The following MARK3 variants were observed in gnomAD, a reference collection of about 807,000 sequenced individuals.
MARK3 encodes microtubule affinity regulating kinase 3, also known as MAP/microtubule affinity-regulating kinase 3.
Under a neutral mutation model 90.1 loss-of-function variants are expected in MARK3, and 46 were observed. That is an observed-to-expected ratio of 0.51 (90% CI 0.40 to 0.65). MARK3 has a LOEUF of 0.65. Ranked by LOEUF, MARK3 falls within the 30% of genes least tolerant of loss-of-function variation. The pLI is 0.00. For missense variants in MARK3, 818 were observed against 947.2 expected (o/e 0.86, Z 1.79); for synonymous variants, 321 against 332.6 (o/e 0.97, Z 0.38).
chr14:103,458,150 C>T (rs528696320), intron 6 of MARK3, among the ~76,000 whole-genome samples: 1 of 152,308 alleles, frequency 6.6e-6, no homozygotes, highest in Admixed American at 6.5e-5. Flanking sequence ...ATTTAACTCT[C>T]TTGTTGTAGC....
chr14:103,385,858 G>C lies in MARK3; in HGVS notation c.-172G>C, dbSNP rs2089743848. The C allele has an allele frequency of 1.9e-6, 1 of 536,634 alleles. No individual in the cohort carries two copies. 33.2% of individuals were successfully genotyped at this position (536,634 alleles called of 1,614,324 possible). On this transcript the variant is annotated 5_prime_UTR_variant, in exon 1 of 18. Transcript: ENST00000429436. ...GAGAATGAGCCCCGGGACCCGCCGG[G>C]GGACGGCCCGGGCCAGGCCCGGGAT...
intron 4 of MARK3, among the ~76,000 whole-genome samples, chr14:103,450,921 CTTTTTTTTTTTTTT>C (rs869030067): frequency 2.5e-4 from 13 of 52,612 alleles, no homozygotes; most frequent in African/African-American, 8.2e-4. Flanking sequence ...TGTGTGTATT[CTTTTTTTTTTTTTT>C]TTTTTTTTTT....
intron 3 of MARK3, among the ~76,000 whole-genome samples, chr14:103,437,377 G>C (rs2092741115): frequency 1.3e-5 from 2 of 151,900 alleles, no homozygotes; most frequent in African/African-American, 4.8e-5. Context: ...CTGGGCGACA[G>C]AGTGAGACTC....
At position 103,465,898 on chromosome 14, in the gene MARK3, G is replaced by T. The variant is rs1399792948; in HGVS notation, c.778-74G>T. 7 of 1,568,274 alleles carry T rather than the reference G, an allele frequency of 4.5e-6. No homozygotes were observed. In the Admixed American group the frequency reaches 5.7e-5, roughly 13 times the overall value. On this transcript the variant is annotated intron_variant, in intron 8 of 17. Transcript: ENST00000429436. Reference sequence around the variant, plus strand: ...ATATCAGTGCGGGGGGTTTCAGGGGGTTTTTTGTTGTGTTTTGTTAACTAA... The same window carrying T: ...ATATCAGTGCGGGGGGTTTCAGGGGTTTTTTTGTTGTGTTTTGTTAACTAA...
At chr14:103,428,702 A>G (rs1380916787) in intron 3 of MARK3, among the ~76,000 whole-genome samples, 1 of 152,156 alleles carries the variant, frequency 6.6e-6, no homozygotes, top group African/African-American at 2.4e-5. Flanking sequence ...TAGTTGTACG[A>G]GGCTGTACTT....
intron 1 of MARK3, among the ~76,000 whole-genome samples, chr14:103,401,182 A>G (rs911640725): frequency 3.0e-4 from 46 of 152,126 alleles, no homozygotes; most frequent in African/African-American, 1.0e-3. Flanking sequence ...GAAGCAAAAG[A>G]CAATTTAATT....
intron 2 of MARK3, among the ~76,000 whole-genome samples, chr14:103,406,698 G>A (rs1383457493): frequency 7.0e-6 from 1 of 142,328 alleles, no homozygotes; most frequent in African/African-American, 2.7e-5. Flanking sequence ...CGCCTTCTGG[G>A]TTCAAGCCAT....
intron 3 of MARK3, among the ~76,000 whole-genome samples, chr14:103,430,628 G>A (rs1253161240): frequency 6.6e-6 from 1 of 152,146 alleles, no homozygotes; most frequent in African/African-American, 2.4e-5. Flanking sequence ...ACCGAAAAAG[G>A]TGGACTGGCT....
intron 7 of MARK3, 43 bp downstream of exon 7, chr14:103,462,504 T>G (rs768444790): frequency 1.4e-6 from 2 of 1,462,214 alleles, no homozygotes; most frequent in Non-Finnish European, 1.9e-6. Context: ...TGTCTGTTTG[T>G]GTGCAGTTCT....
chr14:103,452,418 A>G (rs997067110), intron 5 of MARK3, among the ~76,000 whole-genome samples: 1 of 149,520 alleles, frequency 6.7e-6, no homozygotes, highest in East Asian at 1.9e-4. Context: ...TTCTGTCTCT[A>G]TGAATTTGAC....
At chr14:103,402,321 G>A (rs2091010067) in intron 1 of MARK3, among the ~76,000 whole-genome samples, 1 of 152,154 alleles carries the variant, frequency 6.6e-6, no homozygotes, top group Admixed American at 6.6e-5. Flanking sequence ...GGGAGGCTGA[G>A]GTGGGTAGAT....
At chr14:103,437,471 T>G (rs1478138488) in intron 3 of MARK3, among the ~76,000 whole-genome samples, 1 of 152,116 alleles carries the variant, frequency 6.6e-6, no homozygotes, top group Non-Finnish European at 1.5e-5. Context: ...AGAATTGAGG[T>G]CTCACTATCT....
rs182769125 is a variant in MARK3, at chr14:103,442,499, G to A, written c.298-6420G>A. Among the ~76,000 whole-genome samples, 8 of 150,240 alleles carry A rather than the reference G, an allele frequency of 5.3e-5. No individual in the cohort carries two copies. The East Asian group carries it at 1.4e-3, about 25-fold the overall frequency. On this transcript the variant is annotated intron_variant, in intron 3 of 17. Transcript: ENST00000429436. ...TATTCCAATGTGTGATGACTATGAG[G>A]TATATTATTTTCTCAGAGTTGGGCA...
At chr14:103,501,822 G>T (rs754920954) in intron 17 of MARK3, among the ~76,000 whole-genome samples, 1 of 152,144 alleles carries the variant, frequency 6.6e-6, no homozygotes, top group South Asian at 2.1e-4. Flanking sequence ...ATCTAACGTG[G>T]CATTTTATAC....
chr14:103,502,147 G>A (rs911180307), intron 17 of MARK3, among the ~76,000 whole-genome samples: 1 of 152,188 alleles, frequency 6.6e-6, no homozygotes, highest in African/African-American at 2.4e-5. Context: ...GCTCTACTTA[G>A]GCTGCCTCTT....
chr14:103,438,918 G>T (rs1163005940), intron 3 of MARK3, among the ~76,000 whole-genome samples: 1 of 151,492 alleles, frequency 6.6e-6, no homozygotes, highest in South Asian at 2.1e-4. Flanking sequence ...AGCCCGGGAG[G>T]TCGAGGCTGC....
At chr14:103,419,468 A>G (rs1206443420) in intron 2 of MARK3, among the ~76,000 whole-genome samples, 1 of 152,214 alleles carries the variant, frequency 6.6e-6, no homozygotes, top group African/African-American at 2.4e-5. Flanking sequence ...TTTTATGAAA[A>G]ACAACTATTT....
At chr14:103,408,142 A>G (rs750466711) in intron 2 of MARK3, among the ~76,000 whole-genome samples, 1 of 152,142 alleles carries the variant, frequency 6.6e-6, no homozygotes, top group Non-Finnish European at 1.5e-5. Context: ...CCTGTTAGGT[A>G]CTTAATAAAT....
chr14:103,458,355 A>T (rs2093321263), intron 6 of MARK3, among the ~76,000 whole-genome samples: 1 of 147,138 alleles, frequency 6.8e-6, no homozygotes, highest in African/African-American at 2.5e-5. Context: ...GCTACTGGGG[A>T]GGCTGAGGCA....
Sources: allele counts gnomAD v4.1 joint callset (sites outside exome capture counted in the v4.1 genomes callset), GRCh38; gene constraint gnomAD v4.1.1; transcripts MANE v1.5; gene names NCBI Gene and HGNC (gene_info 2026-07-23, HGNC 2026-07-21).